Variants in CMYA5 observed in about 807,000 individuals in gnomAD.
The protein encoded by CMYA5 is cardiomyopathy associated 5, also known as cardiomyopathy-associated protein 5.
A neutral mutation model predicts 318.9 loss-of-function variants in CMYA5; 246 were observed. That is an observed-to-expected ratio of 0.77 (90% CI 0.70 to 0.86). The LOEUF is 0.86. Among genes scored for constraint, CMYA5 ranks in the 40% least tolerant of loss-of-function variants. The pLI is 0.00. For synonymous variants in CMYA5, 1,641 were observed against 1,729.5 expected, an observed-to-expected ratio of 0.95 and a Z score of 1.27; for missense variants, 4,589 against 4,678.2, an observed-to-expected ratio of 0.98 and a Z score of 0.56.
At chr5:79,771,034 A>G (rs190270791) in intron 9 of CMYA5, among the ~76,000 whole-genome samples, 2 of 149,938 alleles carry the variant, frequency 1.3e-5, no homozygotes, top group African/African-American at 4.9e-5. Context: ...CAAATAGCTT[A>G]GAGGTGAACT....
chr5:79,768,398 C>T (rs757695377), intron 9 of CMYA5, among the ~76,000 whole-genome samples: 2 of 151,260 alleles, frequency 1.3e-5, no homozygotes, highest in East Asian at 1.9e-4. Context: ...ACAGTGTCGA[C>T]GGTCTTTACA....
intron 9 of CMYA5, among the ~76,000 whole-genome samples, chr5:79,770,156 C>T (rs1038705378): frequency 1.4e-4 from 22 of 152,218 alleles, no homozygotes; most frequent in Admixed American, 1.4e-3. Flanking sequence ...CCTCCCCCCA[C>T]CAAGCTCGAG....
rs1322681159 is a variant in CMYA5, at chr5:79,730,355, G to A, written c.1590G>A (p.Glu530=). Residue 530 remains glutamate, a synonymous_variant, in exon 2 of 13, where the codon GAG becomes GAA. Coordinates refer to ENST00000446378, the MANE Select transcript of CMYA5 (RefSeq NM_153610.5). ...AAGATTCTAATTTAGTAGAAGAAGAGATCGTAGAACTTGATTACCCAGAAA... is the reference window on the plus strand; with the variant it reads ...AAGATTCTAATTTAGTAGAAGAAGAAATCGTAGAACTTGATTACCCAGAAA... The part of the protein sequence containing the change: ...EPEDSNLVEE[E]IVELDYPESP... The A allele has an allele frequency of 1.2e-6, 2 of 1,613,826 alleles. No homozygotes were observed. The highest frequency in any genetic ancestry group is 1.7e-5 in the Admixed American group (1 of 60,012).
intron 11 of CMYA5, 133 bp downstream of exon 11, chr5:79,791,202 A>G (rs1026705571): frequency 1.6e-5 from 10 of 638,220 alleles, no homozygotes; most frequent in African/African-American, 9.0e-5. Flanking sequence ...TCAAATATCA[A>G]TGTGTGCACA....
At chr5:79,700,741 A>G (rs1827158115) in intron 1 of CMYA5, among the ~76,000 whole-genome samples, 1 of 152,188 alleles carries the variant, frequency 6.6e-6, no homozygotes, top group Non-Finnish European at 1.5e-5. Flanking sequence ...AAGCAATGAA[A>G]TTCTATCATT....
At chr5:79,722,093 A>G (rs1827650617) in intron 1 of CMYA5, among the ~76,000 whole-genome samples, 1 of 152,238 alleles carries the variant, frequency 6.6e-6, no homozygotes, top group Non-Finnish European at 1.5e-5. Context: ...ATTTTGAAGT[A>G]TAACTTCATA....
intron 6 of CMYA5, among the ~76,000 whole-genome samples, chr5:79,756,605 A>T (rs1329079280): frequency 1.3e-5 from 2 of 152,192 alleles, no homozygotes; most frequent in Non-Finnish European, 2.9e-5. Flanking sequence ...GAAGTCCATG[A>T]ACTTGACCCT....
At position 79,733,264 on chromosome 5, in the gene CMYA5, C is replaced by A. The variant is rs1827962434; in HGVS notation, c.4499C>A (p.Ser1500Tyr). The stretch of plus-strand genomic sequence containing the variant: ...GAAGACAAACAAGATCTTTTATTTT[C>A]TACAGTCTGTGACTCTGAACGTTTG... Reference protein sequence around the residue: ...RVEDKQDLLFSTVCDSERLVS... With the variant: ...RVEDKQDLLFYTVCDSERLVS... The change falls in exon 2 of 13, where the codon TCT (serine) becomes TAT (tyrosine). Residue 1500 changes from serine (S) to tyrosine (Y), a missense_variant. Physicochemically the swap from Ser to Tyr is moderately radical, Grantham distance 144 (BLOSUM62 -2). Transcript: ENST00000446378. 6.2e-7 allele frequency: 1 copy of A among 1,613,516 alleles called. No homozygotes were observed. The highest frequency in any genetic ancestry group is 8.5e-7 in the Non-Finnish European group (1 of 1,179,818).
chr5:79,723,071 G>A (rs1827672096), intron 1 of CMYA5, among the ~76,000 whole-genome samples: 1 of 152,154 alleles, frequency 6.6e-6, no homozygotes, highest in African/African-American at 2.4e-5. Flanking sequence ...GAGAATAAAG[G>A]AGGGAACAAT....
chr5:79,729,655 A>G lies in CMYA5; in HGVS notation c.890A>G (p.Lys297Arg). The stretch of plus-strand genomic sequence containing the variant: ...GCCCAAAGCATAGAGGATAAAGTAA[A>G]AGAGGTTTTTCCACCCTGGAGAGGC... Reference protein sequence around the residue: ...LVAQSIEDKVKEVFPPWRGAL... With the variant: ...LVAQSIEDKVREVFPPWRGAL... Residue 297 changes from lysine (K) to arginine (R), a missense_variant, in exon 2 of 13, where the codon AAA becomes AGA. Physicochemically the swap from Lys to Arg is conservative, Grantham distance 26 (BLOSUM62 2). Transcript: ENST00000446378. The G allele has an allele frequency of 6.2e-7, 1 of 1,613,782 alleles. No individual in the cohort carries two copies.
At chr5:79,762,074 G>A (rs1828663876) in intron 8 of CMYA5, 117 bp downstream of exon 8, 3 of 1,167,932 alleles carry the variant, frequency 2.6e-6, no homozygotes, top group Middle Eastern at 2.1e-4. Context: ...GTTGTGCAAA[G>A]TGCTGGTTAT....
rs185593612 is a variant in CMYA5 at position 79,738,705 on chromosome 5, G to A, written c.9940G>A (p.Val3314Ile). Residue 3314 changes from valine (V) to isoleucine (I), a missense_variant, in exon 2 of 13, where the codon GTT becomes ATT. Physicochemically the swap from Val to Ile is conservative, Grantham distance 29. Around this residue, in one of 3 missense-constraint regions of CMYA5, gnomAD observed 2,431 missense variants for 2,495.1 expected, o/e 0.97. Coordinates refer to ENST00000446378, the MANE Select transcript of CMYA5 (RefSeq NM_153610.5). ...EGESVDHVET[V>I]GNVAMQKKAP... ...AGAATCAGTAGACCATGTGGAGACC[G>A]TTGGTAACGTAGCGATGCAGAAGAA... is the stretch of plus-strand genomic sequence containing the variant. The A allele has an allele frequency of 4.3e-5, 70 of 1,613,952 alleles. No individual in the cohort carries two copies. Among genetic ancestry groups the A allele is most frequent in the East Asian group, 2.0e-4 (9 of 44,878 alleles).
At chr5:79,703,995 G>C (rs1306951230) in intron 1 of CMYA5, among the ~76,000 whole-genome samples, 1 of 152,118 alleles carries the variant, frequency 6.6e-6, no homozygotes, top group African/African-American at 2.4e-5. Context: ...GGGAGGCTGA[G>C]GTGGGAGGAC....
chr5:79,787,203 C>G (rs1829097271), intron 9 of CMYA5, among the ~76,000 whole-genome samples: 1 of 152,088 alleles, frequency 6.6e-6, no homozygotes, highest in African/African-American at 2.4e-5. Context: ...CAATCCTTGT[C>G]ACTTTTCCCC....
chr5:79,697,975 AT>A (rs1446012497), intron 1 of CMYA5, among the ~76,000 whole-genome samples: 1 of 152,190 alleles, frequency 6.6e-6, no homozygotes, highest in African/African-American at 2.4e-5. Context: ...ATCCAGTGTG[AT>A]TGCATTTTCG....
At chr5:79,720,749 T>C (rs1827609335) in intron 1 of CMYA5, among the ~76,000 whole-genome samples, 1 of 152,166 alleles carries the variant, frequency 6.6e-6, no homozygotes, top group South Asian at 2.1e-4. Context: ...TCTAGAATTT[T>C]ATATCCTGAA....
chr5:79,751,701 G>A (rs1828433142), intron 5 of CMYA5, among the ~76,000 whole-genome samples: 1 of 152,160 alleles, frequency 6.6e-6, no homozygotes, highest in Admixed American at 6.5e-5. Context: ...GAATACAGTA[G>A]TGAACAAAAT....
In CMYA5 at chr5:79,689,886, C is replaced by T; in HGVS notation, c.-22C>T. Reference sequence around the variant, plus strand: ...GCGCGGGCGGCTCCGGCTCCGGCCCCGGCCCAGGCCCGGGAGAGGCGATGG... The same window carrying T: ...GCGCGGGCGGCTCCGGCTCCGGCCCTGGCCCAGGCCCGGGAGAGGCGATGG... On this transcript the variant is annotated 5_prime_UTR_variant, in exon 1 of 13. Transcript: ENST00000446378. The T allele has an allele frequency of 4.1e-6, 3 of 724,454 alleles. No homozygotes were observed. Among genetic ancestry groups the T allele is most frequent in the South Asian group, 3.0e-5 (2 of 65,660 alleles). 44.9% of individuals were successfully genotyped at this position (724,454 alleles called of 1,614,324 possible).
chr5:79,750,395 G>T (rs775651607), intron 5 of CMYA5, among the ~76,000 whole-genome samples: 3 of 152,158 alleles, frequency 2.0e-5, no homozygotes, highest in Non-Finnish European at 4.4e-5. Flanking sequence ...AACTCTTGAG[G>T]TTATTGGTAA....
Sources: gnomAD v4.1 joint callset for allele counts (sites outside exome capture counted in the v4.1 genomes callset) on GRCh38, gnomAD v4.1.1 for gene constraint, gnomAD v4.1.1 regional missense constraint, MANE v1.5 for transcripts, NCBI Gene and HGNC (gene_info 2026-07-23, HGNC 2026-07-21) for gene names.